Variants in SERPINB3 observed in about 807,000 individuals in gnomAD.
The protein encoded by SERPINB3 is serpin family B member 3, also known as serpin B3.
In SERPINB3, 33 loss-of-function variants were observed where a neutral mutation model predicts 33.0. The observed-to-expected ratio is 1.00, with a 90% confidence interval of 0.76 to 1.34. The LOEUF (loss-of-function observed/expected upper bound fraction) is 1.34. SERPINB3 is among the 40% of genes most tolerant of loss of function. The pLI, the probability that SERPINB3 is intolerant of heterozygous loss-of-function variation, is 0.00. For missense variants in SERPINB3, 518 were observed against 461.5 expected (o/e 1.12, Z -1.12); for synonymous variants, 200 against 170.9 (o/e 1.17, Z -1.33).
chr18:63,656,876 T>G lies in SERPINB3; in HGVS notation c.723A>C (p.Leu241=), dbSNP rs1260724714. 6.2e-7 allele frequency: 1 copy of G among 1,613,326 alleles called. No homozygotes were observed. Among genetic ancestry groups the G allele is most frequent in the Admixed American group, 1.7e-5 (1 of 59,968 alleles). Residue 241 remains leucine (L), a synonymous_variant, in exon 7 of 8, where the codon CTA becomes CTC. Coordinates refer to ENST00000283752, the MANE Select transcript of SERPINB3 (RefSeq NM_006919.3). ...CATTTGGCAGCAACACAATCATGCTTAGATCTTTGCCTTTGTATGGTATTT... is the reference window on the plus strand; with the variant it reads ...CATTTGGCAGCAACACAATCATGCTGAGATCTTTGCCTTTGTATGGTATTT... ...VLEIPYKGKD[L]SMIVLLPNEI... is the part of the protein sequence containing the mutation.
At position 63,659,440 on chromosome 18, in the gene SERPINB3, C is replaced by A. The variant is rs369785789; in HGVS notation, c.310G>T (p.Ala104Ser). 44 of 1,613,396 alleles carry A rather than the reference C, an allele frequency of 2.7e-5. No individual in the cohort carries two copies. In the African/African-American group the frequency reaches 5.2e-4, roughly 19 times the overall value. Residue 104 changes from alanine to serine, a missense_variant, in exon 4 of 8, where the codon GCC becomes TCC. Coordinates refer to ENST00000283752, the MANE Select transcript of SERPINB3 (RefSeq NM_006919.3). Reference sequence around the variant, plus strand: ...GTTTTTTCTCCGAAGAGCTTGTTGGCGATCTTCAGCTCATATGCATCAGTG... The same window carrying A: ...GTTTTTTCTCCGAAGAGCTTGTTGGAGATCTTCAGCTCATATGCATCAGTG... ...KSTDAYELKI[A>S]NKLFGEKTYL...
At chr18:63,658,953 T>G (rs1231430914) in intron 4 of SERPINB3, among the ~76,000 whole-genome samples, 2 of 152,176 alleles carry the variant, frequency 1.3e-5, no homozygotes, top group Non-Finnish European at 2.9e-5. Flanking sequence ...ATTTCAACCA[T>G]GATGTTTCTG....
At chr18:63,658,414 C>A (rs538878580) in intron 5 of SERPINB3, 99 bp downstream of exon 5, 3 of 982,382 alleles carry the variant, frequency 3.1e-6, no homozygotes, top group Non-Finnish European at 4.7e-6. Flanking sequence ...CCTGCAAAGC[C>A]ATCTCAATTC....
intron 5 of SERPINB3, among the ~76,000 whole-genome samples, chr18:63,657,698 T>A (rs1471429011): frequency 6.6e-6 from 1 of 152,116 alleles, no homozygotes; most frequent in African/African-American, 2.4e-5. Context: ...TCATCTGATT[T>A]GGAATACTGA....
At chr18:63,660,234 G>T (rs564006936) in intron 3 of SERPINB3, among the ~76,000 whole-genome samples, 54 of 152,132 alleles carry the variant, frequency 3.5e-4, no homozygotes, top group African/African-American at 1.3e-3. Context: ...CACTATTAAG[G>T]CTCTAAACCA....
At chr18:63,659,320 C>T (rs1406454842) in intron 4 of SERPINB3, 79 bp downstream of exon 4, 2 of 1,498,206 alleles carry the variant, frequency 1.3e-6, no homozygotes, top group Admixed American at 3.3e-5. Context: ...GCTCATCTGC[C>T]TTGCTTTCTT....
chr18:63,656,305 G>A (rs1218964589), intron 7 of SERPINB3, among the ~76,000 whole-genome samples: 1 of 152,046 alleles, frequency 6.6e-6, no homozygotes, highest in Non-Finnish European at 1.5e-5. Flanking sequence ...GTGTACATAT[G>A]TATGTATACA....
At chr18:63,661,405 T>C (rs1913642329) in intron 1 of SERPINB3, among the ~76,000 whole-genome samples, 163 bp from the exon 2 acceptor site, 1 of 152,212 alleles carries the variant, frequency 6.6e-6, no homozygotes, top group South Asian at 2.1e-4. Flanking sequence ...AATGTGCATA[T>C]ATTAAATATA....
chr18:63,656,139 G>C lies in SERPINB3; in HGVS notation c.769-78C>G, dbSNP rs865918045. ...ACCTTAACAATGAATTGACTATGTG[G>C]AGAATCCTTATTTTGGCAACAAATG... is the stretch of plus-strand genomic sequence containing the variant. On this transcript the variant is annotated intron_variant, in intron 7 of 7. Transcript: ENST00000283752. 1.5e-5 allele frequency: 22 copies of C among 1,498,420 alleles called. 1 individual carries two copies. In the Middle Eastern group the frequency reaches 2.8e-3, roughly 194 times the overall value. The allele number at this position is 1,498,420 out of a possible 1,614,324, so 92.8% of individuals were successfully genotyped here.
At position 63,655,977 on chromosome 18, in the gene SERPINB3, G is replaced by A. The variant is rs1913485198; in HGVS notation, c.853C>T (p.Pro285Ser). 1 of 1,613,968 alleles carries A rather than the reference G, an allele frequency of 6.2e-7. No individual in the cohort carries two copies. Among genetic ancestry groups the A allele is most frequent in the Non-Finnish European group, 8.5e-7 (1 of 1,179,942 alleles). ...TAGCTCTCTTCCACTTTGAACCGAG[G>A]TAAGTGTAAATCGACACGTGTCTCT... ...MRETRVDLHL[P>S]RFKVEESYDL... The change falls in exon 8 of 8, where the codon CCT (proline) becomes TCT (serine). Residue 285 changes from proline (P) to serine (S), a missense_variant. Transcript: ENST00000283752.
At chr18:63,658,725 C>T in intron 4 of SERPINB3, 95 bp from the exon 5 acceptor site, 2 of 948,584 alleles carry the variant, frequency 2.1e-6, no homozygotes, top group Non-Finnish European at 1.6e-6. Flanking sequence ...TAAGCTGAAT[C>T]CAGACCCTGA....
Position 63,661,178 on chromosome 18 carries a change from G to T in SERPINB3, c.39C>A (p.Phe13Leu). 6.2e-7 allele frequency: 1 copy of T among 1,613,552 alleles called. No homozygotes were observed. Among genetic ancestry groups the T allele is most frequent in the Non-Finnish European group, 8.5e-7 (1 of 1,179,588 alleles). The change falls in exon 2 of 8, where the codon TTC becomes TTA. Residue 13 changes from phenylalanine (F) to leucine (L), a missense_variant. Phe to Leu is a conservative substitution (Grantham distance 22). Coordinates refer to ENST00000283752, the MANE Select transcript of SERPINB3 (RefSeq NM_006919.3). ...ATTTTCTGAACTGTTGGAACAGGTC[G>T]AACATGAACTTGGTGTTGGCTTCAC... ...SLSEANTKFM[F>L]DLFQQFRKSK...
chr18:63,661,011 G>GAAA (rs560362906), intron 2 of SERPINB3, 41 bp downstream of exon 2: 12 of 1,611,894 alleles, frequency 7.4e-6, no homozygotes, highest in Non-Finnish European at 9.3e-6. Context: ...CGGAACCAGA[G>GAAA]AAAAACTGCA....
chr18:63,658,468 G>A (rs371048946), intron 5 of SERPINB3, 45 bp downstream of exon 5: 19 of 1,530,098 alleles, frequency 1.2e-5, no homozygotes, highest in Non-Finnish European at 1.5e-5. Context: ...GGGCTCACTC[G>A]CATAGATTTC....
At chr18:63,659,319 C>T (rs1913578801) in intron 4 of SERPINB3, 80 bp downstream of exon 4, 3 of 1,487,980 alleles carry the variant, frequency 2.0e-6, no homozygotes, top group African/African-American at 2.8e-5. Context: ...GGCTCATCTG[C>T]CTTGCTTTCT....
At position 63,659,459 on chromosome 18, in the gene SERPINB3, A is replaced by G. The variant is rs772837309; in HGVS notation, c.291T>C (p.Asp97=). 7 of 1,613,554 alleles carry G rather than the reference A, an allele frequency of 4.3e-6. No homozygotes were observed. The highest frequency in any genetic ancestry group is 5.1e-6 in the Non-Finnish European group (6 of 1,179,696). Residue 97 remains aspartate (D), a synonymous_variant, in exon 4 of 8, where the codon GAT becomes GAC. Transcript: ENST00000283752. ...KLLTEFNKST[D]AYELKIANKL... ...TGTTGGCGATCTTCAGCTCATATGC[A>G]TCAGTGGATTTGTTGAATTCAGTCA...
chr18:63,661,553 C>A (rs1197110126), intron 1 of SERPINB3, among the ~76,000 whole-genome samples: 1 of 151,954 alleles, frequency 6.6e-6, no homozygotes, highest in Admixed American at 6.6e-5. Flanking sequence ...AACAGGAGAC[C>A]TCTGTGGATC....
intron 7 of SERPINB3, among the ~76,000 whole-genome samples, chr18:63,656,429 C>T (rs1399224164): frequency 6.6e-6 from 1 of 152,068 alleles, no homozygotes; most frequent in African/African-American, 2.4e-5. Flanking sequence ...TTAATAGGCT[C>T]ATCTTATTTT....
chr18:63,658,359 A>T (rs1374240243), intron 5 of SERPINB3, among the ~76,000 whole-genome samples, 154 bp downstream of exon 5: 4 of 152,008 alleles, frequency 2.6e-5, no homozygotes, highest in Non-Finnish European at 5.9e-5. Context: ...TCTCTTCATA[A>T]TCATTTGGAA....
Sources: gnomAD v4.1 joint callset for allele counts (sites outside exome capture counted in the v4.1 genomes callset) on GRCh38, gnomAD v4.1.1 for gene constraint, MANE v1.5 for transcripts, NCBI Gene and HGNC (gene_info 2026-07-23, HGNC 2026-07-21) for gene names.